THRAP3: variants seen among roughly 807,000 people sequenced by gnomAD.
THRAP3 encodes the protein thyroid hormone receptor associated protein 3, also known as thyroid hormone receptor-associated protein 3.
Under a neutral mutation model 101.0 loss-of-function variants are expected in THRAP3, and 16 were observed. That is an observed-to-expected ratio of 0.16 (90% confidence interval 0.11 to 0.24). The LOEUF is 0.24. Ranked by LOEUF, THRAP3 falls within the 10% of genes least tolerant of loss-of-function variation. THRAP3 has a pLI of 1.00. For missense variants in THRAP3, 989 were observed against 1,202.7 expected (o/e 0.82, Z 2.63); for synonymous variants, 407 against 422.6 (o/e 0.96, Z 0.45).
At chr1:36,224,084 C>G (rs1644928026), upstream of THRAP3, among the ~76,000 whole-genome samples, 1 of 152,242 alleles carries the variant, frequency 6.6e-6, no homozygotes, top group South Asian at 2.1e-4. Context: ...AGCTTTTCAA[C>G]AAGGCAAGCT....
chr1:36,281,307 T>C (rs1645728670), intron 2 of THRAP3, among the ~76,000 whole-genome samples: 2 of 152,218 alleles, frequency 1.3e-5, no homozygotes, highest in Admixed American at 1.3e-4. Context: ...GTTTCTTCTC[T>C]TGGAACTAGG....
At chr1:36,270,111 G>A (rs1645568677) in intron 2 of THRAP3, among the ~76,000 whole-genome samples, 1 of 152,130 alleles carries the variant, frequency 6.6e-6, no homozygotes, top group African/African-American at 2.4e-5. Flanking sequence ...TAAACAGGCT[G>A]GGCACATTGG....
chr1:36,278,213 C>T (rs2124566916), intron 2 of THRAP3, among the ~76,000 whole-genome samples: 1 of 152,056 alleles, frequency 6.6e-6, no homozygotes, highest in African/African-American at 2.4e-5. Context: ...TTACAGGTGC[C>T]TGCCACCACA....
chr1:36,255,614 C>CAA (rs564844053), intron 1 of THRAP3, among the ~76,000 whole-genome samples: 2 of 145,666 alleles, frequency 1.4e-5, no homozygotes, highest in African/African-American at 5.0e-5. Flanking sequence ...ACTAAAAATA[C>CAA]AAAAAAAAAA....
chr1:36,246,841 CAAATAAAT>C lies in THRAP3; in HGVS notation c.-134-12521_-134-12514del, dbSNP rs377713773. ...TGGGCGACAGAGTGAGACTCTGTCTCAAATAAATAAATAAATAAATAAATAAAATTACA... is the reference window on the plus strand; with the variant it reads ...TGGGCGACAGAGTGAGACTCTGTCTCAAATAAATAAATAAATAAAATTACA... On this transcript the variant is annotated intron_variant, in intron 1 of 11. Transcript: ENST00000354618. Among the ~76,000 whole-genome samples the C allele has an allele frequency of 4.0e-3, 608 of 150,926 alleles. 4 individuals carry two copies. The highest frequency in any genetic ancestry group is 0.031 in the East Asian group (157 of 5,098).
chr1:36,209,497 A>G, the THRAP3 span, among the ~76,000 whole-genome samples: 1 of 152,200 alleles, frequency 6.6e-6, no homozygotes, highest in Non-Finnish European at 1.5e-5. Flanking sequence ...GACAACCACA[A>G]ATGTCTCCAG....
intron 1 of THRAP3, among the ~76,000 whole-genome samples, chr1:36,249,685 A>AGAGT (rs112896222): frequency 7.2e-6 from 1 of 138,114 alleles, no homozygotes; most frequent in African/African-American, 2.6e-5. Flanking sequence ...GCAGGTGGTG[A>AGAGT]GTGTGTGTGT....
At chr1:36,271,162 T>C (rs1359484111) in intron 2 of THRAP3, among the ~76,000 whole-genome samples, 5 of 152,254 alleles carry the variant, frequency 3.3e-5, no homozygotes, top group African/African-American at 1.2e-4. Context: ...TATATGTATG[T>C]CTGTAACTAC....
Position 36,293,875 on chromosome 1 carries a change from A to G in THRAP3, c.2055A>G (p.Thr685=). Residue 685 remains threonine (T), a synonymous_variant, in exon 8 of 12, where the codon ACA becomes ACG. Transcript: ENST00000354618. ...GGAGAATAGACATTTCCCCCAGTACATTCAGAAAACATGGTTTGGCTCATG... is the reference window on the plus strand; with the variant it reads ...GGAGAATAGACATTTCCCCCAGTACGTTCAGAAAACATGGTTTGGCTCATG... The part of the protein sequence containing the change: ...IHRRIDISPS[T]FRKHGLAHDE... The G allele has an allele frequency of 1.2e-6, 2 of 1,613,688 alleles. No homozygotes were observed. The highest frequency in any genetic ancestry group is 1.7e-6 in the Non-Finnish European group (2 of 1,179,700).
chr1:36,262,838 G>T (rs1421659469), intron 2 of THRAP3, among the ~76,000 whole-genome samples: 1 of 150,980 alleles, frequency 6.6e-6, no homozygotes, highest in Admixed American at 6.6e-5. Context: ...CTGTCTCCCA[G>T]GCTGGAGTGC....
chr1:36,247,790 T>C (rs577107466), intron 1 of THRAP3, among the ~76,000 whole-genome samples: 1 of 152,228 alleles, frequency 6.6e-6, no homozygotes, highest in South Asian at 2.1e-4. Context: ...TACATTATTA[T>C]TTACTGCACT....
At chr1:36,261,674 T>C (rs1193540012) in intron 2 of THRAP3, among the ~76,000 whole-genome samples, 1 of 152,222 alleles carries the variant, frequency 6.6e-6, no homozygotes, top group East Asian at 1.9e-4. Context: ...TGGATCTACC[T>C]GAGGTGGAGT....
At chr1:36,263,655 C>T (rs757750660) in intron 2 of THRAP3, among the ~76,000 whole-genome samples, 2 of 152,112 alleles carry the variant, frequency 1.3e-5, no homozygotes, top group Non-Finnish European at 2.9e-5. Context: ...GGAGAGGAGC[C>T]TCTGGGGTGA....
intron 1 of THRAP3, among the ~76,000 whole-genome samples, chr1:36,246,578 C>T (rs1008078029): frequency 5.9e-5 from 9 of 152,092 alleles, no homozygotes; most frequent in African/African-American, 7.2e-5. Context: ...TGCGGTGGCT[C>T]ACACCTGTAA....
chr1:36,264,099 G>A (rs746537741), intron 2 of THRAP3, among the ~76,000 whole-genome samples: 5 of 152,096 alleles, frequency 3.3e-5, no homozygotes, highest in Non-Finnish European at 1.5e-5. Context: ...TCGCTCTGTC[G>A]CCCAGGCTGG....
chr1:36,301,101 T>C lies in THRAP3; in HGVS notation c.2502+17T>C. 1 of 1,610,382 alleles carries C rather than the reference T, an allele frequency of 6.2e-7. No homozygotes were observed. The highest frequency in any genetic ancestry group is 8.5e-7 in the Non-Finnish European group (1 of 1,177,848). ...GGAACCTTTGTAAGACCTTCCCCTC[T>C]CCCCCTTTCTCTGAGACCCTTGCTC... On this transcript the variant is annotated intron_variant, in intron 10 of 11. Transcript: ENST00000354618.
chr1:36,285,029 G>A (rs1455174563), intron 3 of THRAP3, among the ~76,000 whole-genome samples: 1 of 151,952 alleles, frequency 6.6e-6, no homozygotes, highest in East Asian at 1.9e-4. Context: ...TCTGAGTACA[G>A]TGGGCAATAA....
intron 1 of THRAP3, among the ~76,000 whole-genome samples, chr1:36,238,831 G>A (rs1238957753): frequency 6.6e-6 from 1 of 151,978 alleles, no homozygotes; most frequent in Non-Finnish European, 1.5e-5. Context: ...GATCCTGAGA[G>A]GATCGAGTGA....
chr1:36,264,619 C>T (rs1169747391), intron 2 of THRAP3, among the ~76,000 whole-genome samples: 1 of 152,202 alleles, frequency 6.6e-6, no homozygotes, highest in African/African-American at 2.4e-5. Flanking sequence ...ATATGGACAG[C>T]CCAGAATGGA....
Sources: allele counts gnomAD v4.1 joint callset (sites outside exome capture counted in the v4.1 genomes callset), GRCh38; gene constraint gnomAD v4.1.1; transcripts MANE v1.5; gene names NCBI Gene and HGNC (gene_info 2026-07-23, HGNC 2026-07-21).